CMTM4: variants seen among roughly 807,000 people sequenced by gnomAD.
CMTM4 encodes CKLF-like MARVEL transmembrane domain-containing protein 4.
Under a neutral mutation model 19.0 loss-of-function variants are expected in CMTM4, and 8 were observed. The observed-to-expected ratio is 0.42, with a 90% CI of 0.25 to 0.76. The LOEUF (loss-of-function observed/expected upper bound fraction) is 0.76, where lower values mean the gene tolerates loss of function less well. CMTM4 is among the 30% of genes least tolerant of loss of function. The pLI, the probability that CMTM4 is intolerant of heterozygous loss-of-function variation, is 0.27. For missense variants in CMTM4, 228 were observed against 290.2 expected (o/e 0.79, Z 1.56); for synonymous variants, 106 against 121.1 (o/e 0.88, Z 0.82).
chr16:66,659,008 C>T (rs2016453344), intron 1 of CMTM4, among the ~76,000 whole-genome samples: 1 of 152,076 alleles, frequency 6.6e-6, no homozygotes. Flanking sequence ...TTTCATCCCA[C>T]CCCCAACCCC....
In CMTM4 at chr16:66,618,753, G is replaced by A; in HGVS notation, c.*3305C>T. ...CTGCAAACTTGAAGAGAGTCAGAAT[G>A]TTTTCAACTGAGTCACGAAGCTGTC... is the stretch of plus-strand genomic sequence containing the variant. On this transcript the variant is annotated 3_prime_UTR_variant, in exon 4 of 4. Coordinates refer to ENST00000394106, the MANE Select transcript of CMTM4 (RefSeq NM_181521.3). 8 of 985,500 alleles carry A rather than the reference G, an allele frequency of 8.1e-6. No individual in the cohort carries two copies. The highest frequency in any genetic ancestry group is 9.6e-6 in the Non-Finnish European group (8 of 829,948). 61.0% of individuals were successfully genotyped at this position (985,500 alleles called of 1,614,324 possible). A position where few individuals can be genotyped will look rare whatever the true frequency, so the allele number is the denominator to read the frequency against.
intron 1 of CMTM4, among the ~76,000 whole-genome samples, chr16:66,659,071 G>A (rs1035281619): frequency 3.3e-5 from 5 of 152,138 alleles, no homozygotes; most frequent in Non-Finnish European, 7.3e-5. Context: ...CAGAGAAGTT[G>A]AAGGAGCATG....
intron 1 of CMTM4, among the ~76,000 whole-genome samples, chr16:66,670,906 A>G (rs1386699460): frequency 1.3e-5 from 2 of 152,190 alleles, no homozygotes; most frequent in Non-Finnish European, 2.9e-5. Context: ...AAGTATGCGC[A>G]TGGGAACAAA....
intron 1 of CMTM4, among the ~76,000 whole-genome samples, chr16:66,648,981 A>AGAAAAG (rs1392349617): frequency 5.9e-4 from 90 of 152,304 alleles, no homozygotes; most frequent in African/African-American, 2.1e-3. Context: ...AAAAAAGAAA[A>AGAAAAG]GAAAAGGAAA....
At chr16:66,657,425 A>G (rs776035441) in intron 1 of CMTM4, among the ~76,000 whole-genome samples, 3 of 152,212 alleles carry the variant, frequency 2.0e-5, no homozygotes, top group Non-Finnish European at 4.4e-5. Context: ...TAGTGTGGTT[A>G]TGTAAGAAAG....
At chr16:66,642,768 G>C (rs2144823018) in intron 1 of CMTM4, among the ~76,000 whole-genome samples, 1 of 152,260 alleles carries the variant, frequency 6.6e-6, no homozygotes, top group Admixed American at 6.5e-5. Flanking sequence ...CAGGTTGTCA[G>C]ATTTCCACAA....
the CMTM4 span, among the ~76,000 whole-genome samples, chr16:66,602,151 C>T: frequency 1.3e-5 from 2 of 152,218 alleles, no homozygotes; most frequent in African/African-American, 4.8e-5. Context: ...AATCCCAAAC[C>T]TTTGGGAGGC....
chr16:66,604,613 G>GCAGCC, the CMTM4 span: 2 of 387,304 alleles, frequency 5.2e-6, no homozygotes, highest in Admixed American at 4.9e-5. Flanking sequence ...AGCATCCCCC[G>GCAGCC]CAGCCGGGGT....
intron 1 of CMTM4, among the ~76,000 whole-genome samples, chr16:66,649,709 C>T (rs763949274): frequency 6.6e-5 from 10 of 152,148 alleles, no homozygotes; most frequent in African/African-American, 1.4e-4. Flanking sequence ...CTCCTATGAA[C>T]ATGAGTCAGG....
intron 1 of CMTM4, among the ~76,000 whole-genome samples, chr16:66,666,116 G>GAGAA (rs1055940624): frequency 6.6e-6 from 1 of 150,694 alleles, no homozygotes; most frequent in Non-Finnish European, 1.5e-5. Context: ...AGGAAAGAAA[G>GAGAA]AGAAAGAAAG....
the CMTM4 span, chr16:66,604,807 T>C: frequency 8.0e-7 from 1 of 1,253,254 alleles, no homozygotes; most frequent in Non-Finnish European, 1.0e-6. Context: ...GCCGCCGCCA[T>C]GTGGCCCCCA....
the CMTM4 span, chr16:66,608,320 C>G: frequency 6.2e-7 from 1 of 1,614,210 alleles, no homozygotes; most frequent in Admixed American, 1.7e-5. This position sits in a 1 kb window ranked among gnomAD's most constrained non-coding sequence, Gnocchi z 5.1. Context: ...GTCTCTCATT[C>G]ATCACTTTTA....
At chr16:66,695,496 G>A (rs1463521737) in intron 1 of CMTM4, among the ~76,000 whole-genome samples, 1 of 152,200 alleles carries the variant, frequency 6.6e-6, no homozygotes, top group Non-Finnish European at 1.5e-5. Flanking sequence ...GCCCACAACA[G>A]AGCTAAGCAA....
In CMTM4 at chr16:66,619,339, G is replaced by A; in HGVS notation, c.*2719C>T. The A allele has an allele frequency of 2.0e-6, 2 of 985,396 alleles. No individual in the cohort carries two copies. The highest frequency in any genetic ancestry group is 2.4e-6 in the Non-Finnish European group (2 of 829,936). The allele number at this position is 985,396 out of a possible 1,614,324, so 61.0% of individuals were successfully genotyped here. A position where few individuals can be genotyped will look rare whatever the true frequency, so the allele number is the denominator to read the frequency against. ...TTCCACCAAATGCTTGAGGGTTTCA[G>A]CTGTACAGTGTCCAGGAAAAAACCC... On this transcript the variant is annotated 3_prime_UTR_variant, in exon 4 of 4. Coordinates refer to ENST00000394106, the MANE Select transcript of CMTM4 (RefSeq NM_181521.3).
At position 66,617,083 on chromosome 16, in the gene CMTM4, A is replaced by T; in HGVS notation, c.*4975T>A. The T allele has an allele frequency of 2.0e-6, 1 of 494,750 alleles. No homozygotes were observed. Among genetic ancestry groups the T allele is most frequent in the Non-Finnish European group, 3.5e-6 (1 of 282,942 alleles). The allele number at this position is 494,750 out of a possible 1,614,324, so 30.6% of individuals were successfully genotyped here. A position where few individuals can be genotyped will look rare whatever the true frequency, so the allele number is the denominator to read the frequency against. On this transcript the variant is annotated 3_prime_UTR_variant, in exon 4 of 4. Coordinates refer to ENST00000394106, the MANE Select transcript of CMTM4 (RefSeq NM_181521.3). ...CCTAAACTCAAACTTTAAAAGTTTCAATAGCTCCCTGGGGGTCCAAGCCAA... is the reference window on the plus strand; with the variant it reads ...CCTAAACTCAAACTTTAAAAGTTTCTATAGCTCCCTGGGGGTCCAAGCCAA...
At chr16:66,691,488 C>T (rs2017133928) in intron 1 of CMTM4, among the ~76,000 whole-genome samples, 1 of 151,956 alleles carries the variant, frequency 6.6e-6, no homozygotes, top group Non-Finnish European at 1.5e-5. Flanking sequence ...ATTGCTTGAG[C>T]TCACGAGTTT....
At chr16:66,649,204 G>A (rs771473521) in intron 1 of CMTM4, among the ~76,000 whole-genome samples, 4 of 152,122 alleles carry the variant, frequency 2.6e-5, no homozygotes, top group Non-Finnish European at 4.4e-5. Context: ...CAGCAATAGC[G>A]TGAGACCCTG....
At chr16:66,666,444 C>T (rs1179184508) in intron 1 of CMTM4, among the ~76,000 whole-genome samples, 1 of 152,082 alleles carries the variant, frequency 6.6e-6, no homozygotes, top group Non-Finnish European at 1.5e-5. Context: ...CAGAGCAAGA[C>T]TCTGTCTCAA....
At chr16:66,654,974 G>A (rs1488656537) in intron 1 of CMTM4, among the ~76,000 whole-genome samples, 4 of 152,144 alleles carry the variant, frequency 2.6e-5, no homozygotes, top group South Asian at 4.2e-4. Flanking sequence ...GAATGTACCC[G>A]AATTTCCTTT....
Sources: gnomAD v4.1 joint callset for allele counts (sites outside exome capture counted in the v4.1 genomes callset) on GRCh38, gnomAD v4.1.1 for gene constraint, Gnocchi (gnomAD v3.1) non-coding constraint, MANE v1.5 for transcripts, NCBI Gene and HGNC (gene_info 2026-07-23, HGNC 2026-07-21) for gene names.